The following PDZD2 variants were observed in gnomAD, a reference collection of about 807,000 sequenced individuals.
PDZD2 encodes PDZ domain containing 2, also known as PDZ domain-containing protein 2.
A neutral mutation model predicts 220.7 loss-of-function variants in PDZD2; 90 were observed. That is an observed-to-expected ratio of 0.41 (90% CI 0.34 to 0.49). The LOEUF is 0.49. Ranked by LOEUF, PDZD2 falls within the 20% of genes least tolerant of loss-of-function variation. PDZD2 has a pLI of 0.28. For synonymous variants in PDZD2, 1,375 were observed against 1,450.5 expected (o/e 0.95, Z 1.18); for missense variants, 3,174 against 3,608.5 (o/e 0.88, Z 3.08).
At chr5:31,751,706 G>A (rs526309) in intron 1 of PDZD2, among the ~76,000 whole-genome samples, 7,228 of 152,184 alleles carry the variant, frequency 0.047, 495 homozygotes, top group East Asian at 0.35. Context: ...ACTGTGGATC[G>A]GTAACACTGA....
intron 1 of PDZD2, among the ~76,000 whole-genome samples, chr5:31,776,450 T>TTTTATTTATTTA (rs10592711): frequency 2.8e-4 from 39 of 139,162 alleles, no homozygotes; most frequent in East Asian, 1.0e-3. Context: ...TGTGTTTTTA[T>TTTTATTTATTTA]TTTATTTATT....
intron 1 of PDZD2, among the ~76,000 whole-genome samples, chr5:31,737,235 C>G (rs1168623630): frequency 6.9e-6 from 1 of 145,724 alleles, no homozygotes; most frequent in Non-Finnish European, 1.5e-5. Context: ...TGCAGTGGCG[C>G]CATCTCGGCT....
chr5:31,776,598 G>A (rs1356897991), intron 1 of PDZD2, among the ~76,000 whole-genome samples: 2 of 150,380 alleles, frequency 1.3e-5, no homozygotes, highest in Non-Finnish European at 3.0e-5. Flanking sequence ...TTACAGGCAT[G>A]AACCACCACG....
At position 32,101,176 on chromosome 5, in the gene PDZD2, C is replaced by A; in HGVS notation, c.8290C>A (p.Leu2764Met). ...LKTSAGLGLSLDGGKSSVTGD... is the reference protein window; with the variant it reads ...LKTSAGLGLSMDGGKSSVTGD... ...GACCTCGGCTGGGCTGGGACTGAGT[C>A]TGGATGGGGGAAAATCATCGGTGAC... Residue 2764 changes from leucine (L) to methionine (M), a missense_variant, in exon 24 of 25, where the codon CTG becomes ATG. By Grantham distance (15) the Leu-to-Met change is conservative (BLOSUM62 2). Coordinates refer to ENST00000438447, the MANE Select transcript of PDZD2 (RefSeq NM_178140.4). 1 of 1,613,904 alleles carries A rather than the reference C, an allele frequency of 6.2e-7. No homozygotes were observed. Among genetic ancestry groups the A allele is most frequent in the South Asian group, 1.1e-5 (1 of 91,058 alleles).
intron 1 of PDZD2, among the ~76,000 whole-genome samples, chr5:31,746,205 C>T (rs571189877): frequency 6.0e-4 from 91 of 152,322 alleles, no homozygotes; most frequent in Non-Finnish European, 1.0e-3. Context: ...TCAACCAGGG[C>T]AGCATTTTTA....
At chr5:31,857,815 G>T (rs541059429) in intron 2 of PDZD2, among the ~76,000 whole-genome samples, 1 of 151,782 alleles carries the variant, frequency 6.6e-6, no homozygotes, top group African/African-American at 2.4e-5. Flanking sequence ...GGTTTCGTGT[G>T]TGTGTATTTT....
At chr5:31,707,594 A>G (rs1351083484) in intron 1 of PDZD2, among the ~76,000 whole-genome samples, 3 of 152,320 alleles carry the variant, frequency 2.0e-5, no homozygotes, top group East Asian at 3.9e-4. Flanking sequence ...GTCTGTATAG[A>G]AAGATAGAGC....
intron 1 of PDZD2, among the ~76,000 whole-genome samples, chr5:31,760,119 G>A (rs561953922): frequency 1.3e-5 from 2 of 152,258 alleles, no homozygotes; most frequent in South Asian, 4.1e-4. Flanking sequence ...CCCAGAGTGG[G>A]AGGAGAGTTG....
At position 32,087,082 on chromosome 5, in the gene PDZD2, C is replaced by G. The variant is rs767510416; in HGVS notation, c.3683-49C>G. 3 of 1,034,280 alleles carry G rather than the reference C, an allele frequency of 2.9e-6. No individual in the cohort carries two copies. Among genetic ancestry groups the G allele is most frequent in the South Asian group, 1.5e-5 (1 of 68,002 alleles). The allele number at this position is 1,034,280 out of a possible 1,614,324, so 64.1% of individuals were successfully genotyped here. A position where few individuals can be genotyped will look rare whatever the true frequency, so the allele number is the denominator to read the frequency against. On this transcript the variant is annotated intron_variant, in intron 19 of 24. Transcript: ENST00000438447. This position sits in a 1 kb window ranked among gnomAD's most constrained non-coding sequence, Gnocchi z 4.0. ...TTCTTATATTATCCCTTTTATCTCC[C>G]CTACAACCTCTCCTGTGTATGTACC...
chr5:31,659,952 A>C (rs1309819888), intron 1 of PDZD2, among the ~76,000 whole-genome samples: 1 of 152,186 alleles, frequency 6.6e-6, no homozygotes, highest in African/African-American at 2.4e-5. Context: ...CATTTCATTT[A>C]AGCTCCCTAA....
In PDZD2 at chr5:31,883,023, C is replaced by CAAAAAAAA. The variant is rs781370177; in HGVS notation, c.476+83317_476+83324dup. ...CCATCCTGGGTGACAGACTCTGTCT[C>CAAAAAAAA]AAAAAAAAAAAAAAAAAAAAAAAAA... On this transcript the variant is annotated intron_variant, in intron 2 of 24. Transcript: ENST00000438447. 4.2e-4 allele frequency among the ~76,000 whole-genome samples: 20 copies of CAAAAAAAA among 47,954 alleles called. 1 individual carries two copies. The highest frequency in any genetic ancestry group is 1.4e-3 in the African/African-American group (19 of 13,204). 31.5% of individuals were successfully genotyped at this position (47,954 alleles called of 152,430 possible).
chr5:31,804,866 T>C (rs2150235499), intron 2 of PDZD2, among the ~76,000 whole-genome samples: 1 of 152,274 alleles, frequency 6.6e-6, no homozygotes, highest in South Asian at 2.1e-4. Context: ...CTGCCCAAAC[T>C]GACAAGGAAA....
chr5:31,941,495 T>A (rs78222866), intron 2 of PDZD2, among the ~76,000 whole-genome samples: 2 of 152,198 alleles, frequency 1.3e-5, no homozygotes, highest in East Asian at 3.8e-4. Flanking sequence ...AAATAAAGGA[T>A]GCAGTTTGGA....
At position 31,995,704 on chromosome 5, in the gene PDZD2, A is replaced by C. The variant is rs1430309088; in HGVS notation, c.1107A>C (p.Gly369=). 1.2e-6 allele frequency: 2 copies of C among 1,613,776 alleles called. No homozygotes were observed. Among genetic ancestry groups the C allele is most frequent in the Non-Finnish European group, 1.7e-6 (2 of 1,180,004 alleles). Residue 369 remains glycine (G), a synonymous_variant, in exon 4 of 25, where the codon GGA becomes GGC. Coordinates refer to ENST00000438447, the MANE Select transcript of PDZD2 (RefSeq NM_178140.4). ...HAIVVTQVKE[G]GAAHRDGRLS... The stretch of plus-strand genomic sequence containing the variant: ...TCGTTGTCACTCAAGTGAAGGAAGG[A>C]GGTGCCGCTCACAGGTGACTAGATA...
chr5:31,829,777 G>T (rs554941179), intron 2 of PDZD2, among the ~76,000 whole-genome samples: 31 of 152,180 alleles, frequency 2.0e-4, no homozygotes, highest in African/African-American at 7.0e-4. Flanking sequence ...CTATGGCTGG[G>T]TGTGGTGGCT....
Position 32,110,125 on chromosome 5 carries a change from C to G in PDZD2, c.*1990C>G, listed in dbSNP as rs1417352077. The G allele has an allele frequency of 1.3e-5, 2 of 152,572 alleles. No homozygotes were observed. Among genetic ancestry groups the G allele is most frequent in the Non-Finnish European group, 2.9e-5 (2 of 68,044 alleles). 9.5% of individuals were successfully genotyped at this position (152,572 alleles called of 1,614,324 possible). A position where few individuals can be genotyped will look rare whatever the true frequency, so the allele number is the denominator to read the frequency against. On this transcript the variant is annotated 3_prime_UTR_variant, in exon 25 of 25. Transcript: ENST00000438447. ...GCCTAAATCAAAGACTATTTCAAGT[C>G]AACAACACTGAAAACTGCTTTTCGC...
At chr5:31,953,059 CA>C (rs776311443) in intron 2 of PDZD2, among the ~76,000 whole-genome samples, 883 of 53,982 alleles carry the variant, frequency 0.016, 4 homozygotes, top group South Asian at 0.039. Context: ...GACTCCATCT[CA>C]AAAAAAAAAA....
In PDZD2 at chr5:32,088,698, C is replaced by T. The variant is rs1346545082; in HGVS notation, c.5250C>T (p.Ser1750=). ...AAACCCTGAATCAATACGAAACAAG[C>T]ATTAATGCAGCTGCCAGTCTGTCCT... is the stretch of plus-strand genomic sequence containing the variant. ...DDETLNQYET[S]INAAASLSSF... The change falls in exon 20 of 25, where the codon AGC becomes AGT. Residue 1750 remains serine (S), a synonymous_variant. Transcript: ENST00000438447. The surrounding 1 kb of genome is among the most constrained non-coding windows in gnomAD (Gnocchi z 4.6). The T allele has an allele frequency of 6.2e-7, 1 of 1,613,964 alleles. No homozygotes were observed. Among genetic ancestry groups the T allele is most frequent in the South Asian group, 1.1e-5 (1 of 91,070 alleles).
chr5:31,742,373 A>G (rs1243157140), intron 1 of PDZD2: 3 of 148,120 alleles, frequency 2.0e-5, no homozygotes, highest in Non-Finnish European at 3.0e-5. Context: ...GGTTGTAAAT[A>G]TTTGAAAATT....
Sources: gnomAD v4.1 joint callset for allele counts (sites outside exome capture counted in the v4.1 genomes callset) on GRCh38, gnomAD v4.1.1 for gene constraint, Gnocchi (gnomAD v3.1) non-coding constraint, MANE v1.5 for transcripts, NCBI Gene and HGNC (gene_info 2026-07-23, HGNC 2026-07-21) for gene names.